Variants in FER observed in about 807,000 individuals in gnomAD.
FER encodes the protein FER tyrosine kinase.
Under a neutral mutation model 111.0 loss-of-function variants are expected in FER, and 63 were observed. That is an observed-to-expected ratio of 0.57 (90% CI 0.46 to 0.70). The LOEUF (loss-of-function observed/expected upper bound fraction) is 0.70. Among genes scored for constraint, FER ranks in the 30% least tolerant of loss-of-function variants. The probability of loss-of-function intolerance (pLI) is 0.00; values close to 1 mark genes in which losing one functional copy is unlikely to be tolerated. For missense variants in FER, 914 were observed against 954.0 expected, an observed-to-expected ratio of 0.96 and a Z score of 0.55; for synonymous variants, 327 against 313.9, an observed-to-expected ratio of 1.04 and a Z score of -0.44.
intron 13 of FER, among the ~76,000 whole-genome samples, chr5:108,960,980 T>TG (rs2149672291): frequency 6.6e-6 from 1 of 152,150 alleles, no homozygotes; most frequent in Admixed American, 6.5e-5. Context: ...CCCAGCTACT[T>TG]GGGGGGCTGA....
At chr5:109,161,860 T>C (rs768425902) in intron 17 of FER, among the ~76,000 whole-genome samples, 1 of 151,922 alleles carries the variant, frequency 6.6e-6, no homozygotes, top group Non-Finnish European at 1.5e-5. Flanking sequence ...CTTCCACAAT[T>C]ATTGAACTAT....
intron 4 of FER, among the ~76,000 whole-genome samples, chr5:108,833,480 T>G (rs1419728094): frequency 7.7e-6 from 1 of 129,640 alleles, no homozygotes; most frequent in Non-Finnish European, 1.6e-5. Context: ...TTTTCTATAC[T>G]CCTACCCACT....
chr5:108,984,009 A>G lies in FER; in HGVS notation c.1656+24662A>G, dbSNP rs564520600. 6.6e-5 allele frequency among the ~76,000 whole-genome samples: 10 copies of G among 152,222 alleles called. No individual in the cohort carries two copies. The South Asian group carries it at 1.0e-3, about 16-fold the overall frequency. On this transcript the variant is annotated intron_variant, in intron 13 of 19. Transcript: ENST00000281092. Reference sequence around the variant, plus strand: ...ACCTGCTTTGCCTCTGGTGCTGGCAATACAGTAAAAAAACAAAACAGACAC... The same window carrying G: ...ACCTGCTTTGCCTCTGGTGCTGGCAGTACAGTAAAAAAACAAAACAGACAC...
intron 10 of FER, among the ~76,000 whole-genome samples, chr5:108,927,252 C>CTTTTTGTTTTTTTT (rs1753877599): frequency 1.0e-5 from 1 of 95,254 alleles, no homozygotes; most frequent in Non-Finnish European, 1.9e-5. Flanking sequence ...AGAAGTGGCT[C>CTTTTTGTTTTTTTT]TTTTTTTTTT....
intron 2 of FER, among the ~76,000 whole-genome samples, chr5:108,786,091 C>T (rs1754688161): frequency 6.6e-6 from 1 of 152,124 alleles, no homozygotes; most frequent in Non-Finnish European, 1.5e-5. Context: ...TCAGCAACAC[C>T]CTGAGTTTGG....
At chr5:109,123,741 C>T (rs1000181953) in intron 17 of FER, among the ~76,000 whole-genome samples, 5 of 152,116 alleles carry the variant, frequency 3.3e-5, no homozygotes, top group African/African-American at 7.2e-5. Context: ...TATTATCGAT[C>T]AGACTGAAAT....
chr5:109,154,126 GT>G, intron 17 of FER, among the ~76,000 whole-genome samples: 1 of 151,738 alleles, frequency 6.6e-6, no homozygotes, highest in East Asian at 1.9e-4. Flanking sequence ...CTGCATAGGA[GT>G]TTAGTTCTGA....
chr5:108,785,002 C>G (rs564853803), intron 2 of FER: 1 of 276,374 alleles, frequency 3.6e-6, no homozygotes, highest in Non-Finnish European at 7.1e-6. Flanking sequence ...GGCCTGTTCC[C>G]AACACCTGGG....
intron 17 of FER, among the ~76,000 whole-genome samples, chr5:109,146,821 T>G (rs552067671): frequency 3.3e-5 from 5 of 152,070 alleles, no homozygotes; most frequent in Non-Finnish European, 7.4e-5. Context: ...TTGACTTTGC[T>G]ATGTTGTATG....
chr5:109,120,121 T>C (rs536117159), intron 17 of FER, among the ~76,000 whole-genome samples: 17 of 152,296 alleles, frequency 1.1e-4, no homozygotes, highest in Admixed American at 9.2e-4. Flanking sequence ...CTTCATTTGA[T>C]CACATTTGTC....
chr5:109,144,780 T>C (rs1470853861), intron 17 of FER, among the ~76,000 whole-genome samples: 3 of 152,076 alleles, frequency 2.0e-5, no homozygotes, highest in Admixed American at 2.0e-4. Flanking sequence ...TTTTTGGATC[T>C]CGGAGCAAGA....
At chr5:108,748,882 G>T (rs1016742325) in intron 1 of FER, 1 of 153,114 alleles carries the variant, frequency 6.5e-6, no homozygotes, top group South Asian at 2.1e-4. Context: ...GAGTGCAGCG[G>T]GATTGGTTGC....
At chr5:109,133,712 A>C (rs1752602695) in intron 17 of FER, among the ~76,000 whole-genome samples, 1 of 152,136 alleles carries the variant, frequency 6.6e-6, no homozygotes, top group African/African-American at 2.4e-5. Context: ...TTGTTCCCTA[A>C]ATCCAAATTT....
intron 9 of FER, among the ~76,000 whole-genome samples, chr5:108,887,786 C>T (rs2150300266): frequency 6.6e-6 from 1 of 151,748 alleles, no homozygotes; most frequent in East Asian, 1.9e-4. Flanking sequence ...CCAATCTTTT[C>T]CTGATTTGTG....
At chr5:109,171,531 G>A (rs191161579) in intron 17 of FER, among the ~76,000 whole-genome samples, 4 of 152,304 alleles carry the variant, frequency 2.6e-5, no homozygotes, top group East Asian at 3.9e-4. Context: ...ATAAATGACA[G>A]CCATTATCAT....
chr5:108,919,754 G>A (rs1752786429), intron 10 of FER, among the ~76,000 whole-genome samples: 2 of 152,130 alleles, frequency 1.3e-5, no homozygotes, highest in Non-Finnish European at 2.9e-5. Context: ...TGACAATGAA[G>A]TTTCTATTTT....
chr5:109,054,445 G>A (rs898927063), intron 16 of FER, among the ~76,000 whole-genome samples: 5 of 152,158 alleles, frequency 3.3e-5, no homozygotes, highest in South Asian at 2.1e-4. Context: ...TGTCCAAATC[G>A]TCTTGCCTAT....
At chr5:108,827,249 GGAGA>G (rs1247962818) in intron 3 of FER, among the ~76,000 whole-genome samples, 3 of 152,104 alleles carry the variant, frequency 2.0e-5, no homozygotes, top group Non-Finnish European at 4.4e-5. Context: ...AACAGGAGAG[GGAGA>G]GAGAGTGCAA....
chr5:108,807,668 G>C (rs939242845), intron 3 of FER, among the ~76,000 whole-genome samples: 1 of 151,738 alleles, frequency 6.6e-6, no homozygotes, highest in Non-Finnish European at 1.5e-5. Flanking sequence ...CTATCTTTAG[G>C]GTTAGTTCTT....
Sources: allele counts gnomAD v4.1 joint callset (sites outside exome capture counted in the v4.1 genomes callset), GRCh38; gene constraint gnomAD v4.1.1; transcripts MANE v1.5; gene names NCBI Gene and HGNC (gene_info 2026-07-23, HGNC 2026-07-21).